FREM1: variants seen among roughly 807,000 people sequenced by gnomAD.
The protein encoded by FREM1 is FRAS1-related extracellular matrix protein 1.
FREM1 carries 220 observed loss-of-function variants against 210.1 expected under a neutral mutation model. That is an observed-to-expected ratio of 1.05 (90% CI 0.94 to 1.17). The LOEUF (loss-of-function observed/expected upper bound fraction) is 1.17. FREM1 is among the 50% of genes most tolerant of loss of function. The pLI is 0.00. For synonymous variants in FREM1, 1,189 were observed against 980.2 expected (o/e 1.21, Z -3.98); for missense variants, 3,454 against 2,675.5 (o/e 1.29, Z -6.42).
rs1817348937 is a variant in FREM1 at position 14,801,860 on chromosome 9, C to T, written c.3486G>A (p.Gln1162=). ...VVQNITVCEG[Q]MKELDSSIIS... ...TGATGGAAGAGTCCAGCTCTTTCAT[C>T]TGACCCTCACACACCTGAGCAAGAA... Residue 1162 remains glutamine (Q), a synonymous_variant, in exon 20 of 37, where the codon CAG becomes CAA. Coordinates refer to ENST00000380880, the MANE Select transcript of FREM1 (RefSeq NM_001379081.2). The T allele has an allele frequency of 6.2e-7, 1 of 1,612,530 alleles. No homozygotes were observed. The highest frequency in any genetic ancestry group is 8.5e-7 in the Non-Finnish European group (1 of 1,179,002).
intron 22 of FREM1, chr9:14,790,907 A>T (rs1049950989): frequency 6.6e-6 from 1 of 152,182 alleles, no homozygotes; most frequent in Non-Finnish European, 1.5e-5. Context: ...TACTCTTTGA[A>T]ATGAAATAAG....
chr9:14,814,035 C>G (rs1874107), intron 15 of FREM1, among the ~76,000 whole-genome samples: 4,720 of 152,260 alleles, frequency 0.031, 219 homozygotes, highest in African/African-American at 0.1. Context: ...CACACATTCC[C>G]CACCATCACA....
intron 2 of FREM1, among the ~76,000 whole-genome samples, chr9:14,867,434 T>C (rs1831732941): frequency 6.6e-6 from 1 of 152,206 alleles, no homozygotes; most frequent in Non-Finnish European, 1.5e-5. Context: ...ATGTTTTAGA[T>C]ACCCATCTAA....
intron 29 of FREM1, among the ~76,000 whole-genome samples, chr9:14,753,039 G>T (rs1480176654): frequency 6.6e-6 from 1 of 152,124 alleles, no homozygotes; most frequent in South Asian, 2.1e-4. Context: ...TAACTCTTTA[G>T]GTTAATGAGA....
intron 1 of FREM1, among the ~76,000 whole-genome samples, chr9:14,895,390 T>A (rs1304242756): frequency 1.3e-5 from 2 of 152,156 alleles, no homozygotes; most frequent in African/African-American, 4.8e-5. Flanking sequence ...TTTTTGAGTA[T>A]TTTTCTGCAA....
At chr9:14,846,441 T>C (rs1057143432) in intron 7 of FREM1, among the ~76,000 whole-genome samples, 4 of 152,142 alleles carry the variant, frequency 2.6e-5, no homozygotes, top group Non-Finnish European at 4.4e-5. Context: ...GACAGGTTGA[T>C]AGATGCAGCA....
intron 10 of FREM1, among the ~76,000 whole-genome samples, chr9:14,837,836 A>T (rs1201252028): frequency 6.6e-6 from 1 of 152,236 alleles, no homozygotes; most frequent in Non-Finnish European, 1.5e-5. Flanking sequence ...TAATGGATAA[A>T]CATGCTGTAA....
intron 1 of FREM1, among the ~76,000 whole-genome samples, chr9:14,903,893 G>A (rs1018965719): frequency 4.6e-5 from 7 of 151,904 alleles, no homozygotes; most frequent in African/African-American, 1.5e-4. Flanking sequence ...AGGCCGAGGC[G>A]GGCGGATCAC....
chr9:14,859,443 C>T lies in FREM1; in HGVS notation c.371G>A (p.Trp124Ter), dbSNP rs1282460826. The change falls in exon 4 of 37, where the codon TGG becomes TAG. Residue 124 changes from tryptophan (W) to a stop codon, truncating the protein, a stop_gained. Transcript: ENST00000380880. LOFTEE classifies it high-confidence loss of function. ...RDTFIETFIL[W>*]VYLLEPDCNI... Reference sequence around the variant, plus strand: ...ACAGTCTGGTTCCAGGAGATAGACCCACAGGATAAAAGTTTCTATGAAGGT... The same window carrying T: ...ACAGTCTGGTTCCAGGAGATAGACCTACAGGATAAAAGTTTCTATGAAGGT... The T allele has an allele frequency of 1.2e-6, 2 of 1,613,768 alleles. No individual in the cohort carries two copies. The highest frequency in any genetic ancestry group is 1.7e-5 in the Admixed American group (1 of 60,012).
At position 14,801,770 on chromosome 9, in the gene FREM1, G is replaced by A. The variant is rs543595426; in HGVS notation, c.3576C>T (p.Arg1192=). 84 of 1,613,938 alleles carry A rather than the reference G, an allele frequency of 5.2e-5. 2 individuals carry two copies. In the South Asian group the frequency reaches 8.1e-4, roughly 16 times the overall value. ...ALLFSITQKP[R]HGLLIDRGFS... is the part of the protein sequence containing the mutation. ...ACCCCCTATCGATGAGGAGGCCATG[G>A]CGTGGCTTTTGAGTGATGCTGAACA... The change falls in exon 20 of 37, where the codon CGC becomes CGT. Residue 1192 remains arginine, a synonymous_variant. Coordinates refer to ENST00000380880, the MANE Select transcript of FREM1 (RefSeq NM_001379081.2).
chr9:14,830,649 CT>C (rs1283025942), intron 10 of FREM1, among the ~76,000 whole-genome samples: 1 of 152,192 alleles, frequency 6.6e-6, no homozygotes, highest in African/African-American at 2.4e-5. Flanking sequence ...TCCCCCCGCT[CT>C]GTTTCTGTAT....
In FREM1 at chr9:14,842,334, G is replaced by A; in HGVS notation, c.1720C>T (p.Pro574Ser). 7 of 1,588,750 alleles carry A rather than the reference G, an allele frequency of 4.4e-6. No homozygotes were observed. Among genetic ancestry groups the A allele is most frequent in the Non-Finnish European group, 6.0e-6 (7 of 1,165,920 alleles). ...AACTTACCTATCAGTCCTGGCCCTG[G>A]CTTCTTCATGATCTCCCCAGCCTGT... ...PPQAGEIMKKPGPGLIGYPVH... is the reference protein window; with the variant it reads ...PPQAGEIMKKSGPGLIGYPVH... The change falls in exon 9 of 37, where the codon CCA (proline) becomes TCA (serine). Residue 574 changes from proline to serine, a missense_variant. Transcript: ENST00000380880.
rs182343727 is a variant in FREM1 at position 14,849,746 on chromosome 9, A to G, written c.1153-973T>C. Among the ~76,000 whole-genome samples the G allele has an allele frequency of 3.3e-5, 5 of 152,334 alleles. No homozygotes were observed. The East Asian group carries it at 7.7e-4, about 24-fold the overall frequency. On this transcript the variant is annotated intron_variant, in intron 6 of 36. Transcript: ENST00000380880. Reference sequence around the variant, plus strand: ...GTCCACACAACCTGAAAACTGTGTGATCTCCACTGAAAAAATTGAGAGTTA... The same window carrying G: ...GTCCACACAACCTGAAAACTGTGTGGTCTCCACTGAAAAAATTGAGAGTTA...
At chr9:14,760,089 C>A (rs1845216628) in intron 27 of FREM1, among the ~76,000 whole-genome samples, 188 bp from the exon 28 acceptor site, 1 of 152,226 alleles carries the variant, frequency 6.6e-6, no homozygotes, top group South Asian at 2.1e-4. Flanking sequence ...TTGATCCTTA[C>A]AACAACCCTG....
At chr9:14,750,538 A>G (rs1020595998) in intron 29 of FREM1, among the ~76,000 whole-genome samples, 9 of 152,196 alleles carry the variant, frequency 5.9e-5, no homozygotes, top group African/African-American at 1.9e-4. Context: ...TAAAAAAAAA[A>G]TGGTTATTAG....
At chr9:14,740,787 A>G (rs1473826240) in intron 35 of FREM1, among the ~76,000 whole-genome samples, 1 of 152,218 alleles carries the variant, frequency 6.6e-6, no homozygotes, top group African/African-American at 2.4e-5. Context: ...ATGCACAGAA[A>G]TTAAAGTGCT....
chr9:14,863,284 T>C (rs1454244999), intron 3 of FREM1, among the ~76,000 whole-genome samples: 3 of 144,944 alleles, frequency 2.1e-5, no homozygotes, highest in Non-Finnish European at 3.0e-5. Context: ...GAGGTTGCAG[T>C]GAGCCGAGAT....
chr9:14,753,616 C>T (rs1344059471), intron 29 of FREM1, among the ~76,000 whole-genome samples: 2 of 152,186 alleles, frequency 1.3e-5, no homozygotes, highest in African/African-American at 4.8e-5. Flanking sequence ...TTCGGTTTTT[C>T]ACTCTGTTTC....
At chr9:14,820,942 A>G (rs1275386763) in intron 13 of FREM1, among the ~76,000 whole-genome samples, 1 of 152,188 alleles carries the variant, frequency 6.6e-6, no homozygotes, top group Non-Finnish European at 1.5e-5. Flanking sequence ...GGAATCTTCA[A>G]TTTCCAATGT....
Sources: allele counts gnomAD v4.1 joint callset (sites outside exome capture counted in the v4.1 genomes callset), GRCh38; gene constraint gnomAD v4.1.1; transcripts MANE v1.5; gene names NCBI Gene and HGNC (gene_info 2026-07-23, HGNC 2026-07-21).